The following RFTN1 variants were observed in gnomAD, a reference collection of about 807,000 sequenced individuals.
The protein encoded by RFTN1 is raftlin.
In RFTN1, 26 loss-of-function variants were observed where a neutral mutation model predicts 46.5. That is an observed-to-expected ratio of 0.56 (90% CI 0.41 to 0.78). RFTN1 has a LOEUF of 0.78. Among genes scored for constraint, RFTN1 ranks in the 30% least tolerant of loss-of-function variants. RFTN1 has a pLI of 0.00. For synonymous variants in RFTN1, 261 were observed against 284.2 expected, an observed-to-expected ratio of 0.92 and a Z score of 0.82; for missense variants, 693 against 718.7, an observed-to-expected ratio of 0.96 and a Z score of 0.41.
chr3:16,493,323 G>T (rs1286685941), intron 2 of RFTN1, among the ~76,000 whole-genome samples: 1 of 151,240 alleles, frequency 6.6e-6, no homozygotes, highest in South Asian at 2.1e-4. Flanking sequence ...CCTCCGCCTC[G>T]TGGGTTCAAG....
chr3:16,394,091 G>A (rs1338501075), intron 4 of RFTN1, among the ~76,000 whole-genome samples: 8 of 152,064 alleles, frequency 5.3e-5, no homozygotes. Context: ...GCAGGGCTGG[G>A]CATCATGGCT....
rs1413505793 is a variant in RFTN1 at position 16,427,818 on chromosome 3, T to C, written c.332+6033A>G. ...CCACTGTTTCTCTTTGGACACCACG[T>C]TCCACTTGTTCCACAATGTCAATAG... On this transcript the variant is annotated intron_variant, in intron 3 of 9. Coordinates refer to ENST00000334133, the MANE Select transcript of RFTN1 (RefSeq NM_015150.2). The surrounding 1 kb of genome is among the most constrained non-coding windows in gnomAD (Gnocchi z 5.4). Among the ~76,000 whole-genome samples, 1 of 152,138 alleles carries C rather than the reference T, an allele frequency of 6.6e-6. No homozygotes were observed. Among genetic ancestry groups the C allele is most frequent in the Non-Finnish European group, 1.5e-5 (1 of 68,002 alleles).
chr3:16,467,465 C>T (rs11711146), intron 2 of RFTN1, among the ~76,000 whole-genome samples: 12,152 of 152,294 alleles, frequency 0.08, 641 homozygotes, highest in Middle Eastern at 0.12. Flanking sequence ...CTCCGCTGCC[C>T]GCCACTCATC....
At chr3:16,354,417 C>T (rs1003550170) in intron 7 of RFTN1, among the ~76,000 whole-genome samples, 2 of 152,220 alleles carry the variant, frequency 1.3e-5, no homozygotes, top group African/African-American at 4.8e-5. Flanking sequence ...CTGCGTTAGC[C>T]TGACTGCGTG....
At chr3:16,508,573 G>T (rs1463271255) in intron 1 of RFTN1, among the ~76,000 whole-genome samples, 1 of 152,188 alleles carries the variant, frequency 6.6e-6, no homozygotes, top group African/African-American at 2.4e-5. Context: ...AATTTTTTAT[G>T]AGAAAGTGTC....
intron 2 of RFTN1, among the ~76,000 whole-genome samples, chr3:16,453,977 T>C (rs2075862749): frequency 6.6e-6 from 1 of 152,320 alleles, no homozygotes; most frequent in Admixed American, 6.5e-5. Context: ...CAGGACTTCC[T>C]TCCCACAGTG....
At chr3:16,367,784 A>G (rs1194769639) in intron 6 of RFTN1, among the ~76,000 whole-genome samples, 4 of 152,166 alleles carry the variant, frequency 2.6e-5, no homozygotes, top group African/African-American at 7.2e-5. Flanking sequence ...CTCAGCCTTG[A>G]TCACCAAACC....
Position 16,413,289 on chromosome 3 carries a change from T to TG in RFTN1, c.333-3807dup, listed in dbSNP as rs1456783440. On this transcript the variant is annotated intron_variant, in intron 3 of 9. Transcript: ENST00000334133. This position sits in a 1 kb window ranked among gnomAD's most constrained non-coding sequence, Gnocchi z 4.7. ...GTGTCCCTGAGGGCAAGGACTATCC[T>TG]GGGAGACAGAAGTGGACATGTCCTA... 2.6e-5 allele frequency among the ~76,000 whole-genome samples: 4 copies of TG among 152,212 alleles called. No homozygotes were observed. Among genetic ancestry groups the TG allele is most frequent in the Non-Finnish European group, 5.9e-5 (4 of 68,040 alleles).
intron 6 of RFTN1, among the ~76,000 whole-genome samples, chr3:16,365,297 A>G (rs1231394881): frequency 3.9e-5 from 6 of 152,286 alleles, no homozygotes; most frequent in African/African-American, 1.4e-4. Context: ...GTTTTCCCTC[A>G]CCACCACTGG....
chr3:16,445,837 C>T (rs1170842388), intron 2 of RFTN1, among the ~76,000 whole-genome samples: 1 of 152,008 alleles, frequency 6.6e-6, no homozygotes, highest in African/African-American at 2.4e-5. Context: ...TTCCATTGGA[C>T]AGCTCTGTTC....
At position 16,509,891 on chromosome 3, in the gene RFTN1, C is replaced by T. The variant is rs1423755915; in HGVS notation, c.-9+3551G>A. ...CACAGTGCAATGTCTCAAGACTGAG[C>T]TGTCTGCCATCTGACTCCTGCAAAG... On this transcript the variant is annotated intron_variant, in intron 1 of 9. Transcript: ENST00000334133. The surrounding 1 kb of genome is among the most constrained non-coding windows in gnomAD (Gnocchi z 4.9). 6.6e-6 allele frequency among the ~76,000 whole-genome samples: 1 copy of T among 152,212 alleles called. No individual in the cohort carries two copies. Among genetic ancestry groups the T allele is most frequent in the African/African-American group, 2.4e-5 (1 of 41,454 alleles).
chr3:16,483,773 T>C lies in RFTN1; in HGVS notation c.145+9952A>G, dbSNP rs1559369815. ...TCCACTCAAATTAAAAAAAAAAAAA[T>C]TGTACTCCACATGATCTTTTAAGGT... On this transcript the variant is annotated intron_variant, in intron 2 of 9. Transcript: ENST00000334133. This position sits in a 1 kb window ranked among gnomAD's most constrained non-coding sequence, Gnocchi z 4.8. 6.6e-6 allele frequency among the ~76,000 whole-genome samples: 1 copy of C among 151,236 alleles called. No individual in the cohort carries two copies. The highest frequency in any genetic ancestry group is 6.6e-5 in the Admixed American group (1 of 15,192).
At position 16,400,985 on chromosome 3, in the gene RFTN1, C is replaced by T. The variant is rs974422783; in HGVS notation, c.441+8390G>A. 1.3e-5 allele frequency among the ~76,000 whole-genome samples: 2 copies of T among 152,012 alleles called. No homozygotes were observed. The highest frequency in any genetic ancestry group is 4.8e-5 in the African/African-American group (2 of 41,390). Reference sequence around the variant, plus strand: ...TGGAACCTGCCTCCATCTTTTATCACCTCTTCTCTCCCAATACCTTTCAGC... The same window carrying T: ...TGGAACCTGCCTCCATCTTTTATCATCTCTTCTCTCCCAATACCTTTCAGC... On this transcript the variant is annotated intron_variant, in intron 4 of 9. Coordinates refer to ENST00000334133, the MANE Select transcript of RFTN1 (RefSeq NM_015150.2). The surrounding 1 kb of genome is among the most constrained non-coding windows in gnomAD (Gnocchi z 4.5).
chr3:16,379,401 A>G (rs2073903430), intron 4 of RFTN1, among the ~76,000 whole-genome samples: 3 of 152,382 alleles, frequency 2.0e-5, no homozygotes, highest in Non-Finnish European at 4.4e-5. Flanking sequence ...TACTATGTCT[A>G]GGCATTGAGC....
rs557536071 is a variant in RFTN1, at chr3:16,424,393, T to A, written c.332+9458A>T. 1.3e-5 allele frequency among the ~76,000 whole-genome samples: 2 copies of A among 152,336 alleles called. No homozygotes were observed. The highest frequency in any genetic ancestry group is 2.9e-5 in the Non-Finnish European group (2 of 68,028). On this transcript the variant is annotated intron_variant, in intron 3 of 9. Coordinates refer to ENST00000334133, the MANE Select transcript of RFTN1 (RefSeq NM_015150.2). This position sits in a 1 kb window ranked among gnomAD's most constrained non-coding sequence, Gnocchi z 4.7. ...TTTTGGTTACAAAACAGTGTATGTC[T>A]AAAACCTCTGCTGAAAGCACAGTAA...
chr3:16,496,033 G>T (rs1419585255), intron 1 of RFTN1, among the ~76,000 whole-genome samples: 3 of 152,200 alleles, frequency 2.0e-5, no homozygotes, highest in African/African-American at 7.2e-5. Context: ...TGACAATGTG[G>T]GCTATATTAA....
chr3:16,478,612 G>C (rs1431105080), intron 2 of RFTN1, among the ~76,000 whole-genome samples: 2 of 152,198 alleles, frequency 1.3e-5, no homozygotes, highest in Admixed American at 1.3e-4. Context: ...CAGCTTATCT[G>C]GGTGCCTCTG....
chr3:16,494,322 T>A (rs1298931038), intron 1 of RFTN1, among the ~76,000 whole-genome samples: 1 of 152,248 alleles, frequency 6.6e-6, no homozygotes, highest in Non-Finnish European at 1.5e-5. Flanking sequence ...AAGTCGTTGT[T>A]ACAGTTTCCA....
Position 16,316,922 on chromosome 3 carries a change from A to G in RFTN1, c.1643T>C (p.Val548Ala), listed in dbSNP as rs896361298. The change falls in exon 10 of 10, where the codon GTG becomes GCG. Residue 548 changes from valine (V) to alanine (A), a missense_variant. By Grantham distance (64) the Val-to-Ala change is moderately conservative. Transcript: ENST00000334133. This position sits in a 1 kb window ranked among gnomAD's most constrained non-coding sequence, Gnocchi z 4.5. ...ATTGGAGTGCCCAGTGCAAATCCCC[A>G]CCAGGGCCCTGCTGTGGCTGGCAGG... ...NGPASHSRALVGICTGHSNPG... is the reference protein window; with the variant it reads ...NGPASHSRALAGICTGHSNPG... The G allele has an allele frequency of 3.1e-6, 5 of 1,613,702 alleles. No individual in the cohort carries two copies. The African/African-American group carries it at 5.3e-5, about 17-fold the overall frequency.
Sources: gnomAD v4.1 joint callset for allele counts (sites outside exome capture counted in the v4.1 genomes callset) on GRCh38, gnomAD v4.1.1 for gene constraint, Gnocchi (gnomAD v3.1) non-coding constraint, MANE v1.5 for transcripts, NCBI Gene and HGNC (gene_info 2026-07-23, HGNC 2026-07-21) for gene names.